The following ARHGAP15 variants were observed in gnomAD, a reference collection of about 807,000 sequenced individuals.
ARHGAP15 encodes rho GTPase-activating protein 15.
A neutral mutation model predicts 63.7 loss-of-function variants in ARHGAP15; 51 were observed. The ratio of observed to expected loss-of-function variants is 0.80; its 90% CI spans 0.64 to 1.01. The LOEUF (loss-of-function observed/expected upper bound fraction) is 1.01, where lower values mean the gene tolerates loss of function less well. ARHGAP15 is among the 50% of genes least tolerant of loss of function. The pLI, the probability that ARHGAP15 is intolerant of heterozygous loss-of-function variation, is 0.00. For missense variants in ARHGAP15, 560 were observed against 564.6 expected (o/e 0.99, Z 0.08); for synonymous variants, 191 against 193.8 (o/e 0.99, Z 0.12).
intron 12 of ARHGAP15, among the ~76,000 whole-genome samples, chr2:143,669,306 T>C (rs1164749262): frequency 1.3e-5 from 2 of 152,238 alleles, no homozygotes; most frequent in Non-Finnish European, 2.9e-5. Flanking sequence ...TTACCCACTG[T>C]ACTATATTAC....
intron 12 of ARHGAP15, among the ~76,000 whole-genome samples, chr2:143,635,304 C>T (rs760061002): frequency 6.8e-6 from 1 of 146,612 alleles, no homozygotes; most frequent in Non-Finnish European, 1.5e-5. Context: ...TCTCCTGCCT[C>T]AGCCCCCGAA....
At chr2:143,243,968 C>T (rs1693956239) in intron 5 of ARHGAP15, among the ~76,000 whole-genome samples, 1 of 152,122 alleles carries the variant, frequency 6.6e-6, no homozygotes, top group Non-Finnish European at 1.5e-5. Flanking sequence ...TTTGAATTCA[C>T]CCCAAATCTC....
intron 8 of ARHGAP15, among the ~76,000 whole-genome samples, chr2:143,476,950 C>T (rs184019160): frequency 3.9e-5 from 6 of 152,226 alleles, no homozygotes; most frequent in Non-Finnish European, 8.8e-5. Context: ...ATTGCTTTTG[C>T]TATACACATG....
chr2:143,322,727 TTTG>T (rs887755216), intron 6 of ARHGAP15, among the ~76,000 whole-genome samples: 10 of 152,166 alleles, frequency 6.6e-5, no homozygotes, highest in African/African-American at 2.4e-4. Flanking sequence ...TACTGAATTG[TTTG>T]TTTACTTCCC....
At chr2:143,585,359 A>G (rs1697072121) in intron 11 of ARHGAP15, among the ~76,000 whole-genome samples, 1 of 152,160 alleles carries the variant, frequency 6.6e-6, no homozygotes, top group African/African-American at 2.4e-5. Flanking sequence ...ATATACAAAG[A>G]AAAATTACAT....
chr2:143,199,178 G>T (rs1692005236), intron 2 of ARHGAP15, among the ~76,000 whole-genome samples: 1 of 152,042 alleles, frequency 6.6e-6, no homozygotes, highest in Non-Finnish European at 1.5e-5. Flanking sequence ...GTGAATTTTG[G>T]GTTTCTACGA....
At chr2:143,509,462 C>A (rs976173914) in intron 9 of ARHGAP15, among the ~76,000 whole-genome samples, 2 of 152,182 alleles carry the variant, frequency 1.3e-5, no homozygotes, top group African/African-American at 4.8e-5. Context: ...TATTTCTAAT[C>A]AAAGCCCCAA....
chr2:143,605,916 G>T (rs1409882059), intron 11 of ARHGAP15, among the ~76,000 whole-genome samples: 1 of 143,848 alleles, frequency 7.0e-6, no homozygotes, highest in African/African-American at 2.5e-5. Flanking sequence ...TTTGCCTGTA[G>T]TTCCAGCTAC....
At chr2:143,520,756 T>G (rs1368676371) in intron 10 of ARHGAP15, among the ~76,000 whole-genome samples, 1 of 152,198 alleles carries the variant, frequency 6.6e-6, no homozygotes, top group Admixed American at 6.5e-5. Flanking sequence ...GTCATCATTT[T>G]CAGGAAATCT....
chr2:143,379,487 ATGTGTGTGTGTGTG>A lies in ARHGAP15; in HGVS notation c.475-56082_475-56069del, dbSNP rs58976215. On this transcript the variant is annotated intron_variant, in intron 6 of 13. Transcript: ENST00000295095. The stretch of plus-strand genomic sequence containing the variant: ...AACAAGGTGGTTTTTAGGCATATAT[ATGTGTGTGTGTGTG>A]TGTGTGTGTGTGTGTGTGTGTGTGT... 1.4e-3 allele frequency among the ~76,000 whole-genome samples: 185 copies of A among 129,840 alleles called. 2 individuals are homozygous for A. The highest frequency in any genetic ancestry group is 2.1e-3 in the African/African-American group (72 of 34,634). 85.2% of individuals were successfully genotyped at this position (129,840 alleles called of 152,430 possible). A position where few individuals can be genotyped will look rare whatever the true frequency, so the allele number is the denominator to read the frequency against.
chr2:143,427,506 T>A (rs757388988), intron 6 of ARHGAP15, among the ~76,000 whole-genome samples: 1 of 151,944 alleles, frequency 6.6e-6, no homozygotes, highest in Non-Finnish European at 1.5e-5. Flanking sequence ...CCAGTTCCCA[T>A]ACTGTCAACT....
chr2:143,257,001 CTT>C (rs1275736926), intron 6 of ARHGAP15, among the ~76,000 whole-genome samples: 4 of 152,068 alleles, frequency 2.6e-5, no homozygotes, highest in Admixed American at 2.6e-4. Context: ...GAACCACTGT[CTT>C]TTTGCACGTT....
chr2:143,597,554 C>T (rs1188969749), intron 11 of ARHGAP15, among the ~76,000 whole-genome samples: 1 of 152,070 alleles, frequency 6.6e-6, no homozygotes, highest in Non-Finnish European at 1.5e-5. Context: ...CTATTGTTCC[C>T]TTCTCAACTC....
intron 9 of ARHGAP15, among the ~76,000 whole-genome samples, chr2:143,503,407 G>A (rs1263375136): frequency 1.3e-5 from 2 of 152,166 alleles, no homozygotes; most frequent in Admixed American, 1.3e-4. Context: ...GAACCATAAA[G>A]ATTACCAAAT....
At chr2:143,273,386 G>A (rs1195029241) in intron 6 of ARHGAP15, among the ~76,000 whole-genome samples, 1 of 152,082 alleles carries the variant, frequency 6.6e-6, no homozygotes, top group Non-Finnish European at 1.5e-5. Context: ...CTGACTTCAT[G>A]ATAAACCCTT....
intron 11 of ARHGAP15, among the ~76,000 whole-genome samples, chr2:143,617,708 A>G (rs775875836): frequency 6.6e-6 from 1 of 152,186 alleles, no homozygotes; most frequent in African/African-American, 2.4e-5. Context: ...GGCACGATGC[A>G]TATTTTTGGG....
intron 6 of ARHGAP15, among the ~76,000 whole-genome samples, chr2:143,278,868 C>CTTTT (rs965265275): frequency 5.9e-5 from 8 of 135,310 alleles, no homozygotes; most frequent in African/African-American, 8.1e-5. Context: ...TTCTTTCTTT[C>CTTTT]TTTTTTTTTT....
chr2:143,160,944 G>A (rs1430004863), intron 2 of ARHGAP15, among the ~76,000 whole-genome samples: 1 of 151,948 alleles, frequency 6.6e-6, no homozygotes, highest in Non-Finnish European at 1.5e-5. Context: ...ATCTTAACCT[G>A]AGCATAGCTA....
intron 11 of ARHGAP15, among the ~76,000 whole-genome samples, chr2:143,594,824 G>A (rs1056979927): frequency 1.1e-4 from 17 of 152,046 alleles, no homozygotes; most frequent in East Asian, 1.9e-4. Context: ...AGAATTCTAC[G>A]TTGTACTTTG....
Sources: allele counts gnomAD v4.1 joint callset (sites outside exome capture counted in the v4.1 genomes callset), GRCh38; gene constraint gnomAD v4.1.1; transcripts MANE v1.5; gene names NCBI Gene and HGNC (gene_info 2026-07-23, HGNC 2026-07-21).